Variants in NOX4 observed in about 807,000 individuals in gnomAD.
NOX4 encodes kidney oxidase-1.
A neutral mutation model predicts 87.6 loss-of-function variants in NOX4; 69 were observed. The ratio of observed to expected loss-of-function variants is 0.79; its 90% CI spans 0.65 to 0.96. NOX4 has a LOEUF of 0.96. Ranked by LOEUF, NOX4 falls within the 40% of genes least tolerant of loss-of-function variation. The pLI, the probability that NOX4 is intolerant of heterozygous loss-of-function variation, is 0.00. For synonymous variants in NOX4, 275 were observed against 238.2 expected (o/e 1.15, Z -1.42); for missense variants, 680 against 681.5 (o/e 1.00, Z 0.02).
the NOX4 span, among the ~76,000 whole-genome samples, chr11:89,534,354 A>G: frequency 8.7e-4 from 132 of 152,326 alleles, 1 homozygote; most frequent in Non-Finnish European, 1.6e-3. Flanking sequence ...ATCCTTGTAG[A>G]CATTTCTGAG....
chr11:89,522,208 A>G, the NOX4 span, among the ~76,000 whole-genome samples: 2 of 152,242 alleles, frequency 1.3e-5, no homozygotes, highest in African/African-American at 2.4e-5. Flanking sequence ...TTGTTCTACC[A>G]AAAAGAAACA....
At position 89,402,524 on chromosome 11, in the gene NOX4, T is replaced by C. The variant is rs1390437573; in HGVS notation, c.648A>G (p.Gln216=). The change falls in exon 9 of 18, where the codon CAA becomes CAG. Residue 216 remains glutamine, a synonymous_variant. Transcript: ENST00000263317. ...CGGGAGGGTGGGTATCTAAATTAGT[T>C]TGATACTTCAGCAGCCCTCTAAAAT... ...LHVSGGLLKY[Q]TNLDTHPPGC... 4.6e-5 allele frequency: 74 copies of C among 1,611,188 alleles called. No individual in the cohort carries two copies. The highest frequency in any genetic ancestry group is 1.2e-4 in the Admixed American group (7 of 59,504).
Position 89,326,869 on chromosome 11 carries a change from C to A in NOX4, c.1624G>T (p.Val542Phe). Residue 542 changes from valine (V) to phenylalanine (F), a missense_variant, in exon 18 of 18, where the codon GTT (valine) becomes TTT (phenylalanine). Physicochemically the swap from Val to Phe is conservative, Grantham distance 50 (BLOSUM62 -1). Transcript: ENST00000263317. ...EIAKYNRGKT[V>F]GVFCCGPNSL... ...TTGGGTCCACAACAGAAAACACCAACTGTTTTTCTAGAACAAGAGCAGAGA... is the reference window on the plus strand; with the variant it reads ...TTGGGTCCACAACAGAAAACACCAAATGTTTTTCTAGAACAAGAGCAGAGA... 1 of 1,612,884 alleles carries A rather than the reference C, an allele frequency of 6.2e-7. No homozygotes were observed. The highest frequency in any genetic ancestry group is 8.5e-7 in the Non-Finnish European group (1 of 1,179,404).
the NOX4 span, among the ~76,000 whole-genome samples, chr11:89,570,167 G>T: frequency 6.6e-6 from 1 of 152,178 alleles, no homozygotes; most frequent in African/African-American, 2.4e-5. Context: ...GGAATATTAC[G>T]CAGTCATAAA....
chr11:89,546,087 C>A, the NOX4 span, among the ~76,000 whole-genome samples: 1 of 152,118 alleles, frequency 6.6e-6, no homozygotes, highest in African/African-American at 2.4e-5. Context: ...TAGTTATTAA[C>A]CTACTGAAAA....
At chr11:89,589,503 A>G in the NOX4 span, 2 of 152,236 alleles carry the variant, frequency 1.3e-5, no homozygotes, top group Non-Finnish European at 2.9e-5. Context: ...AGTTCAAGCC[A>G]TGTGGAGAGA....
intron 12 of NOX4, among the ~76,000 whole-genome samples, chr11:89,367,661 T>A (rs1050131033): frequency 6.6e-6 from 1 of 152,066 alleles, no homozygotes; most frequent in African/African-American, 2.4e-5. Context: ...TCCAGCCTAG[T>A]CTTCTTCCTT....
intron 7 of NOX4, among the ~76,000 whole-genome samples, chr11:89,426,769 C>A (rs1357761697): frequency 2.6e-5 from 4 of 152,174 alleles, no homozygotes; most frequent in Non-Finnish European, 5.9e-5. Context: ...TGAGGACTGC[C>A]TGCCTCTGTA....
At chr11:89,395,787 C>G (rs1182833360) in intron 11 of NOX4, among the ~76,000 whole-genome samples, 1 of 152,110 alleles carries the variant, frequency 6.6e-6, no homozygotes. Flanking sequence ...TTGTTTTTGT[C>G]AAGTTTGCCA....
At chr11:89,423,128 G>C (rs1354687751) in intron 7 of NOX4, among the ~76,000 whole-genome samples, 2 of 151,990 alleles carry the variant, frequency 1.3e-5, no homozygotes, top group African/African-American at 4.8e-5. Context: ...AAAACCATTA[G>C]AATTTGAACT....
chr11:89,406,356 AC>A (rs1942180570), intron 8 of NOX4, among the ~76,000 whole-genome samples: 1 of 152,000 alleles, frequency 6.6e-6, no homozygotes, highest in Non-Finnish European at 1.5e-5. Context: ...AATTCCTGGT[AC>A]CTTTATTTAT....
At chr11:89,550,055 A>G in the NOX4 span, among the ~76,000 whole-genome samples, 1 of 152,030 alleles carries the variant, frequency 6.6e-6, no homozygotes, top group Non-Finnish European at 1.5e-5. Context: ...CTTTTTCTAG[A>G]TCCTTGAGGA....
rs1349247959 is a variant in NOX4 at position 89,432,825 on chromosome 11, C to T, written c.507G>A (p.Val169=). The T allele has an allele frequency of 1.9e-6, 3 of 1,611,336 alleles. No individual in the cohort carries two copies. In the South Asian group the frequency reaches 3.3e-5, roughly 18 times the overall value. Reference sequence around the variant, plus strand: ...AGGCTGTGATCATGAGGAATAGCACCACCACCATGCAGACCCCTGTCAGGC... The same window carrying T: ...AGGCTGTGATCATGAGGAATAGCACTACCACCATGCAGACCCCTGTCAGGC... The part of the protein sequence containing the change: ...VPGLTGVCMV[V]VLFLMITAST... Residue 169 remains valine (V), a synonymous_variant, in exon 7 of 18, where the codon GTG becomes GTA. Coordinates refer to ENST00000263317, the MANE Select transcript of NOX4 (RefSeq NM_016931.5).
At chr11:89,557,260 T>C in the NOX4 span, 1 of 152,144 alleles carries the variant, frequency 6.6e-6, no homozygotes, top group Non-Finnish European at 1.5e-5. Flanking sequence ...GGGTGGTGAA[T>C]GCTAGAATTA....
chr11:89,542,103 A>G, the NOX4 span, among the ~76,000 whole-genome samples: 1 of 152,006 alleles, frequency 6.6e-6, no homozygotes, highest in South Asian at 2.1e-4. Flanking sequence ...GAGCCACCAC[A>G]CTTGGGCCAA....
chr11:89,362,161 C>CACACAG (rs1277173830), intron 12 of NOX4, among the ~76,000 whole-genome samples: 5 of 142,680 alleles, frequency 3.5e-5, no homozygotes, highest in African/African-American at 1.2e-4. Flanking sequence ...TTTTACATTA[C>CACACAG]ACACAGACAC....
At chr11:89,473,464 CAA>C (rs57686439) in intron 2 of NOX4, among the ~76,000 whole-genome samples, 1,800 of 141,920 alleles carry the variant, frequency 0.013, 24 homozygotes, top group Middle Eastern at 0.054. Context: ...CCTGAATAAA[CAA>C]AAAAAAAAAT....
At chr11:89,479,023 A>AG (rs1555047859) in intron 2 of NOX4, among the ~76,000 whole-genome samples, 260 of 151,986 alleles carry the variant, frequency 1.7e-3, no homozygotes, top group African/African-American at 5.8e-3. Context: ...AAAAAAAAAA[A>AG]TGAAATGTGG....
chr11:89,541,655 A>G, the NOX4 span, among the ~76,000 whole-genome samples: 1 of 152,202 alleles, frequency 6.6e-6, no homozygotes, highest in East Asian at 1.9e-4. Flanking sequence ...TGAACATTTA[A>G]TATCAAATTT....
Sources: gnomAD v4.1 joint callset for allele counts (sites outside exome capture counted in the v4.1 genomes callset) on GRCh38, gnomAD v4.1.1 for gene constraint, MANE v1.5 for transcripts, NCBI Gene and HGNC (gene_info 2026-07-23, HGNC 2026-07-21) for gene names.